Variants in KCNH1 observed in about 807,000 individuals in gnomAD.
KCNH1 encodes the protein potassium voltage-gated channel subfamily H member 1.
In KCNH1, 27 loss-of-function variants were observed where a neutral mutation model predicts 69.2. The observed-to-expected ratio is 0.39, with a 90% confidence interval of 0.29 to 0.54. The LOEUF is 0.54. Ranked by LOEUF, KCNH1 falls within the 20% of genes least tolerant of loss-of-function variation. KCNH1 has a pLI of 0.68. For missense variants in KCNH1, 798 were observed against 1,261.6 expected, an observed-to-expected ratio of 0.63 and a Z score of 5.57; for synonymous variants, 456 against 487.7, an observed-to-expected ratio of 0.93 and a Z score of 0.86.
intron 1 of KCNH1, among the ~76,000 whole-genome samples, chr1:211,128,668 T>C (rs1691826913): frequency 6.6e-6 from 1 of 152,146 alleles, no homozygotes; most frequent in East Asian, 1.9e-4. Context: ...CAAAATTGTT[T>C]TGTGTGCTTT....
At chr1:210,759,276 T>A (rs770295732) in intron 10 of KCNH1, among the ~76,000 whole-genome samples, 6 of 151,590 alleles carry the variant, frequency 4.0e-5, no homozygotes, top group Non-Finnish European at 7.4e-5. Context: ...TTATGTTACC[T>A]CCAAGAGACC....
At chr1:211,040,423 C>T (rs1263865494) in intron 5 of KCNH1, among the ~76,000 whole-genome samples, 5 of 152,114 alleles carry the variant, frequency 3.3e-5, no homozygotes, top group African/African-American at 9.7e-5. Context: ...GAATAAGTTT[C>T]ATGAGATCTG....
rs199545153 is a variant in KCNH1 at position 211,110,715 on chromosome 1, AT to A, written c.80-3339del. Among the ~76,000 whole-genome samples, 1,325 of 152,236 alleles carry A rather than the reference AT, an allele frequency of 8.7e-3. 16 individuals carry two copies. The highest frequency in any genetic ancestry group is 0.03 in the African/African-American group (1,236 of 41,526). On this transcript the variant is annotated intron_variant, in intron 1 of 10. Coordinates refer to ENST00000271751, the MANE Select transcript of KCNH1 (RefSeq NM_172362.3). ...AAATAAGAGATAGTGTGTACAGCTG[AT>A]TTAAAAAATGGTATAAATATTTTAC...
intron 6 of KCNH1, among the ~76,000 whole-genome samples, chr1:211,001,368 C>T (rs550912492): frequency 6.6e-6 from 1 of 152,300 alleles, no homozygotes; most frequent in South Asian, 2.1e-4. Flanking sequence ...TGAACAGACA[C>T]TTCTCAAAAG....
intron 5 of KCNH1, among the ~76,000 whole-genome samples, chr1:211,077,828 G>C (rs530763611): frequency 3.3e-5 from 5 of 152,146 alleles, no homozygotes; most frequent in Admixed American, 2.0e-4. Flanking sequence ...TGGATAAAGA[G>C]TCAAGCCCCA....
chr1:211,057,994 C>T (rs1471051887), intron 5 of KCNH1, among the ~76,000 whole-genome samples: 2 of 152,182 alleles, frequency 1.3e-5, no homozygotes, highest in South Asian at 2.1e-4. Context: ...CACAAAAGAG[C>T]TCCAATATAT....
chr1:210,725,134 A>C (rs1682556712), intron 10 of KCNH1, among the ~76,000 whole-genome samples: 2 of 152,156 alleles, frequency 1.3e-5, no homozygotes, highest in African/African-American at 2.4e-5. Flanking sequence ...TTCTAACTGC[A>C]TTAAGACCTT....
Position 210,793,670 on chromosome 1 carries a change from A to G in KCNH1, c.1915+3838T>C, listed in dbSNP as rs144240653. On this transcript the variant is annotated intron_variant, in intron 9 of 10. Transcript: ENST00000271751. ...GAAAGAGGCCAATTAGCAGAATGTA[A>G]ATGAGTGAACTGATAATAAGAGAAC... 6.7e-3 allele frequency among the ~76,000 whole-genome samples: 1,017 copies of G among 152,346 alleles called. 9 individuals are homozygous for G. The highest frequency in any genetic ancestry group is 0.023 in the African/African-American group (960 of 41,580).
rs774008218 is a variant in KCNH1 at position 210,690,211 on chromosome 1, T to TGTCTAGAGTTGGGGTACACAAAGCC, written c.2113-6098_2113-6074dup. 1.6e-4 allele frequency among the ~76,000 whole-genome samples: 25 copies of TGTCTAGAGTTGGGGTACACAAAGCC among 152,274 alleles called. No individual in the cohort carries two copies. The East Asian group carries it at 4.1e-3, about 25-fold the overall frequency. On this transcript the variant is annotated intron_variant, in intron 10 of 10. Coordinates refer to ENST00000271751, the MANE Select transcript of KCNH1 (RefSeq NM_172362.3). ...TTCTTTCTTAGATCTGACAAAAAGCTGTCTAGAGTTGGGGTACACAAAGCC... is the reference window on the plus strand; with the variant it reads ...TTCTTTCTTAGATCTGACAAAAAGCTGTCTAGAGTTGGGGTACACAAAGCCGTCTAGAGTTGGGGTACACAAAGCC...
At chr1:211,002,969 C>T (rs1689215931) in intron 6 of KCNH1, among the ~76,000 whole-genome samples, 1 of 152,280 alleles carries the variant, frequency 6.6e-6, no homozygotes, top group African/African-American at 2.4e-5. Flanking sequence ...CCTCCCACTA[C>T]ACCAGGGGTC....
intron 9 of KCNH1, among the ~76,000 whole-genome samples, chr1:210,779,032 C>T (rs1274927814): frequency 6.6e-6 from 1 of 152,102 alleles, no homozygotes; most frequent in Non-Finnish European, 1.5e-5. Flanking sequence ...ATATTGTGGT[C>T]GGAATACACC....
intron 10 of KCNH1, among the ~76,000 whole-genome samples, chr1:210,766,070 AAG>A (rs1683624758): frequency 6.6e-6 from 1 of 151,476 alleles, no homozygotes; most frequent in African/African-American, 2.5e-5. Context: ...CTCAAAAAAG[AAG>A]AAGAAAAAAA....
chr1:210,843,223 C>T (rs945048188), intron 7 of KCNH1, among the ~76,000 whole-genome samples: 7 of 152,176 alleles, frequency 4.6e-5, no homozygotes, highest in Non-Finnish European at 4.4e-5. Context: ...AGTTAATGTG[C>T]TTCCAAGAAA....
At chr1:210,767,692 A>T (rs143260510) in intron 10 of KCNH1, among the ~76,000 whole-genome samples, 7 of 152,294 alleles carry the variant, frequency 4.6e-5, no homozygotes, top group Admixed American at 2.0e-4. Flanking sequence ...TGAACTTCTG[A>T]TCTAGGATCC....
intron 9 of KCNH1, among the ~76,000 whole-genome samples, chr1:210,794,981 G>A (rs1408736686): frequency 6.6e-6 from 1 of 152,164 alleles, no homozygotes; most frequent in East Asian, 1.9e-4. Context: ...TTTATACACA[G>A]TTGAATCTCA....
At chr1:210,816,883 CT>C in intron 7 of KCNH1, among the ~76,000 whole-genome samples, 1 of 152,218 alleles carries the variant, frequency 6.6e-6, no homozygotes. Flanking sequence ...AAGTGAAAAA[CT>C]TTTCAGAAGC....
At chr1:211,086,654 G>C (rs866921819) in intron 4 of KCNH1, among the ~76,000 whole-genome samples, 1 of 152,110 alleles carries the variant, frequency 6.6e-6, no homozygotes, top group Admixed American at 6.5e-5. Flanking sequence ...CTTTTCCCCT[G>C]TCTTGACTCC....
At chr1:210,984,113 C>T (rs1688772975) in intron 6 of KCNH1, among the ~76,000 whole-genome samples, 1 of 152,166 alleles carries the variant, frequency 6.6e-6, no homozygotes, top group Non-Finnish European at 1.5e-5. Flanking sequence ...GATTTTTGCA[C>T]ATTGATTTTG....
intron 6 of KCNH1, among the ~76,000 whole-genome samples, chr1:210,932,712 T>G (rs1231956801): frequency 6.6e-6 from 1 of 152,060 alleles, no homozygotes; most frequent in Non-Finnish European, 1.5e-5. Context: ...AGTAGCACAC[T>G]TATGTCAGAT....
Sources: allele counts gnomAD v4.1 joint callset (sites outside exome capture counted in the v4.1 genomes callset), GRCh38; gene constraint gnomAD v4.1.1; transcripts MANE v1.5; gene names NCBI Gene and HGNC (gene_info 2026-07-23, HGNC 2026-07-21).